Variants in GPHN observed in about 807,000 individuals in gnomAD.
The protein encoded by GPHN is gephyrin.
In GPHN, 17 loss-of-function variants were observed where a neutral mutation model predicts 95.5. That is an observed-to-expected ratio of 0.18 (90% confidence interval 0.12 to 0.27). The LOEUF (loss-of-function observed/expected upper bound fraction) is 0.27. Ranked by LOEUF, GPHN falls within the 10% of genes least tolerant of loss-of-function variation. The pLI is 1.00. For missense variants in GPHN, 660 were observed against 978.1 expected (o/e 0.67, Z 4.34); for synonymous variants, 320 against 322.5 (o/e 0.99, Z 0.08).
the GPHN span, among the ~76,000 whole-genome samples, chr14:67,210,106 C>T: frequency 6.6e-6 from 1 of 152,170 alleles, no homozygotes; most frequent in Non-Finnish European, 1.5e-5. Context: ...TATTCCTTTA[C>T]TTATGGTAAC....
intron 10 of GPHN, among the ~76,000 whole-genome samples, chr14:67,034,740 A>G (rs961479587): frequency 6.6e-6 from 1 of 152,172 alleles, no homozygotes; most frequent in Non-Finnish European, 1.5e-5. Context: ...TATAACAATT[A>G]TAAATTAAAA....
chr14:67,663,218 G>A, the GPHN span: 1 of 1,448,980 alleles, frequency 6.9e-7, no homozygotes, highest in East Asian at 2.5e-5. Flanking sequence ...ACAGGCTTCA[G>A]CTTCAAAACA....
At chr14:66,806,571 C>T (rs1222538289) in intron 3 of GPHN, among the ~76,000 whole-genome samples, 1 of 152,180 alleles carries the variant, frequency 6.6e-6, no homozygotes, top group Non-Finnish European at 1.5e-5. Flanking sequence ...CCAAGTCACC[C>T]ATTGAATGCT....
the GPHN span, chr14:67,653,470 T>G: frequency 6.2e-7 from 1 of 1,614,108 alleles, no homozygotes; most frequent in Non-Finnish European, 8.5e-7. Context: ...CTTCCGACTT[T>G]TGCTCAAGTT....
chr14:67,152,387 T>G (rs2081332063), intron 18 of GPHN, among the ~76,000 whole-genome samples: 1 of 152,214 alleles, frequency 6.6e-6, no homozygotes, highest in Non-Finnish European at 1.5e-5. Flanking sequence ...TTTAAAAATC[T>G]TACATATTTG....
In GPHN at chr14:67,057,413, G is replaced by T. The variant is rs560485576; in HGVS notation, c.1007-1236G>T. On this transcript the variant is annotated intron_variant, in intron 10 of 22. Coordinates refer to ENST00000478722, the MANE Select transcript of GPHN (RefSeq NM_020806.5). ...ACAAGAACACATGGGCACATGGGTGGGGGGGGCAACAGCACACACTGGGTC... is the reference window on the plus strand; with the variant it reads ...ACAAGAACACATGGGCACATGGGTGTGGGGGGCAACAGCACACACTGGGTC... 2.2e-3 allele frequency among the ~76,000 whole-genome samples: 335 copies of T among 151,592 alleles called. 6 individuals are homozygous for T. Among genetic ancestry groups the T allele is most frequent in the African/African-American group, 6.4e-3 (265 of 41,206 alleles).
At chr14:66,912,326 A>AT (rs993350006) in intron 5 of GPHN, among the ~76,000 whole-genome samples, 1 of 151,924 alleles carries the variant, frequency 6.6e-6, no homozygotes, top group South Asian at 2.1e-4. Flanking sequence ...AGAAGCTTAG[A>AT]TTTTTTCCTT....
chr14:67,150,924 T>C (rs1221727324), intron 18 of GPHN, among the ~76,000 whole-genome samples: 1 of 152,204 alleles, frequency 6.6e-6, no homozygotes, highest in Middle Eastern at 3.2e-3. Flanking sequence ...ATCCTAATTA[T>C]ATGAACTCAC....
At chr14:67,193,112 A>T in the GPHN span, among the ~76,000 whole-genome samples, 114 of 143,942 alleles carry the variant, frequency 7.9e-4, 6 homozygotes, top group South Asian at 0.025. Flanking sequence ...CTCTATATAG[A>T]TATCTCTCTA....
chr14:67,126,019 A>C (rs997465334), intron 17 of GPHN, among the ~76,000 whole-genome samples: 20 of 152,202 alleles, frequency 1.3e-4, no homozygotes, highest in Non-Finnish European at 1.9e-4. Flanking sequence ...TTTGCTTACT[A>C]TACCTTTTAT....
intron 10 of GPHN, among the ~76,000 whole-genome samples, chr14:67,028,977 T>C (rs572475552): frequency 6.6e-6 from 1 of 152,342 alleles, no homozygotes; most frequent in Admixed American, 6.5e-5. Flanking sequence ...TGTTTTCGTC[T>C]AGCAGTTTTA....
intron 17 of GPHN, among the ~76,000 whole-genome samples, chr14:67,123,809 AT>A (rs547620850): frequency 0.014 from 2,019 of 148,112 alleles, 19 homozygotes; most frequent in Non-Finnish European, 0.019. Context: ...TTTTTTTGCG[AT>A]TTTTTTTTTT....
the GPHN span, among the ~76,000 whole-genome samples, chr14:67,703,226 T>A: frequency 2.6e-5 from 4 of 152,224 alleles, no homozygotes; most frequent in African/African-American, 9.6e-5. Context: ...TTGGGACCTG[T>A]TAGTTCACAT....
the GPHN span, among the ~76,000 whole-genome samples, chr14:67,543,736 G>A: frequency 0.31 from 46,332 of 151,808 alleles, 7,206 homozygotes; most frequent in African/African-American, 0.34. Context: ...GATATATCTC[G>A]GAGGGAAGAG....
intron 21 of GPHN, among the ~76,000 whole-genome samples, chr14:67,170,857 TAA>T (rs2082560639): frequency 6.6e-6 from 1 of 152,244 alleles, no homozygotes; most frequent in South Asian, 2.1e-4. Context: ...TGAAACGTGA[TAA>T]GTCTTATCTC....
At chr14:67,535,500 C>A in the GPHN span, among the ~76,000 whole-genome samples, 4 of 150,738 alleles carry the variant, frequency 2.7e-5, no homozygotes, top group African/African-American at 9.8e-5. Flanking sequence ...CCTGCCTTAG[C>A]CTCCCAAGTG....
chr14:67,359,641 C>G, the GPHN span: 10 of 1,613,842 alleles, frequency 6.2e-6, no homozygotes, highest in East Asian at 2.2e-5. Flanking sequence ...AGCGGCTTAT[C>G]CCATTCCTTT....
chr14:67,087,415 GT>G (rs2076952058), intron 11 of GPHN, among the ~76,000 whole-genome samples: 1 of 151,524 alleles, frequency 6.6e-6, no homozygotes, highest in Admixed American at 6.6e-5. Context: ...ATAGCTTCAG[GT>G]TCATGTGAGA....
At chr14:67,352,971 A>G in the GPHN span, 2 of 1,614,062 alleles carry the variant, frequency 1.2e-6, no homozygotes, top group Non-Finnish European at 1.7e-6. Flanking sequence ...TTAAGGCATC[A>G]GATTTTTTCT....
Sources: allele counts gnomAD v4.1 joint callset (sites outside exome capture counted in the v4.1 genomes callset), GRCh38; gene constraint gnomAD v4.1.1; transcripts MANE v1.5; gene names NCBI Gene and HGNC (gene_info 2026-07-23, HGNC 2026-07-21).